Variants in WWOX observed in about 807,000 individuals in gnomAD.
WWOX encodes the protein WW domain-containing oxidoreductase.
Under a neutral mutation model 46.2 loss-of-function variants are expected in WWOX, and 69 were observed. The observed-to-expected ratio is 1.49, with a 90% CI of 1.23 to 1.82. WWOX has a LOEUF of 1.82. WWOX is among the 40% of genes most tolerant of loss of function. WWOX has a pLI of 0.00. For synonymous variants in WWOX, 359 were observed against 202.6 expected, an observed-to-expected ratio of 1.77 and a Z score of -6.56; for missense variants, 919 against 542.6, an observed-to-expected ratio of 1.69 and a Z score of -6.89.
chr16:78,224,638 A>G (rs1224049030), intron 5 of WWOX, among the ~76,000 whole-genome samples: 2 of 152,200 alleles, frequency 1.3e-5, no homozygotes, highest in East Asian at 3.9e-4. Flanking sequence ...ATGTTTTTGT[A>G]GTACACACCA....
intron 4 of WWOX, among the ~76,000 whole-genome samples, chr16:78,133,801 A>G (rs2151699633): frequency 1.3e-5 from 2 of 152,350 alleles, no homozygotes; most frequent in African/African-American, 4.8e-5. Flanking sequence ...GCGTAGAAGT[A>G]GAATCCTGGG....
intron 8 of WWOX, among the ~76,000 whole-genome samples, chr16:78,563,792 C>G (rs1312479636): frequency 1.3e-5 from 2 of 152,086 alleles, no homozygotes; most frequent in Non-Finnish European, 2.9e-5. Flanking sequence ...AAAATGGCCA[C>G]CAATTCTTCC....
intron 5 of WWOX, among the ~76,000 whole-genome samples, chr16:78,175,004 A>G (rs866081270): frequency 7.1e-6 from 1 of 140,232 alleles, no homozygotes; most frequent in African/African-American, 2.7e-5. Flanking sequence ...AATAGTAATA[A>G]TAATAATAAT....
rs1232826079 is a variant in WWOX, at chr16:78,769,455, C to G, written c.1056+336703C>G. ...GACATCGTGGTAAACAAAGCAAAGT[C>G]CTTGCTTGCATTCTGTGACAGATGG... On this transcript the variant is annotated intron_variant, in intron 8 of 8. Coordinates refer to ENST00000566780, the MANE Select transcript of WWOX (RefSeq NM_016373.4). 3.9e-5 allele frequency among the ~76,000 whole-genome samples: 6 copies of G among 152,180 alleles called. No individual in the cohort carries two copies. In the South Asian group the frequency reaches 1.2e-3, roughly 32 times the overall value.
chr16:78,827,030 A>C (rs570515808), intron 8 of WWOX, among the ~76,000 whole-genome samples: 1 of 152,038 alleles, frequency 6.6e-6, no homozygotes, highest in Non-Finnish European at 1.5e-5. Context: ...TCCTGCCCCC[A>C]CATGTTATAG....
At chr16:78,156,264 G>C (rs530328047) in intron 4 of WWOX, among the ~76,000 whole-genome samples, 71 of 151,782 alleles carry the variant, frequency 4.7e-4, no homozygotes, top group Non-Finnish European at 7.1e-4. Context: ...CTTTGCCGTG[G>C]GTTATTTTGT....
intron 8 of WWOX, among the ~76,000 whole-genome samples, chr16:78,823,425 A>G (rs1439334400): frequency 6.6e-6 from 1 of 152,182 alleles, no homozygotes; most frequent in Non-Finnish European, 1.5e-5. Flanking sequence ...AAGCAGAAAA[A>G]TGTAAGGGAA....
At chr16:79,145,733 A>G (rs957139298) in intron 8 of WWOX, among the ~76,000 whole-genome samples, 2 of 152,244 alleles carry the variant, frequency 1.3e-5, no homozygotes, top group African/African-American at 4.8e-5. Context: ...ATTACTAGCA[A>G]TGAAATAATT....
chr16:78,761,410 C>T (rs749770223), intron 8 of WWOX, among the ~76,000 whole-genome samples: 2 of 152,082 alleles, frequency 1.3e-5, no homozygotes, highest in Non-Finnish European at 2.9e-5. Flanking sequence ...GTTTTGTTTA[C>T]CTGTTTAGTG....
At chr16:78,317,728 A>T (rs7193133) in intron 5 of WWOX, among the ~76,000 whole-genome samples, 1 of 151,914 alleles carries the variant, frequency 6.6e-6, no homozygotes, top group South Asian at 2.1e-4. Flanking sequence ...GTGCCTCCCC[A>T]TGGGCCCCCT....
At chr16:78,625,526 A>G (rs1056193604) in intron 8 of WWOX, among the ~76,000 whole-genome samples, 2 of 152,160 alleles carry the variant, frequency 1.3e-5, no homozygotes, top group South Asian at 2.1e-4. Context: ...TGTAGTACCA[A>G]GTTCCCATGT....
chr16:78,494,537 C>T (rs949233957), intron 8 of WWOX, among the ~76,000 whole-genome samples: 7 of 152,120 alleles, frequency 4.6e-5, no homozygotes, highest in African/African-American at 1.7e-4. Context: ...AACTTCTGTG[C>T]TTTTTGAAAT....
chr16:78,696,579 G>C (rs182075638), intron 8 of WWOX, among the ~76,000 whole-genome samples: 5 of 152,108 alleles, frequency 3.3e-5, no homozygotes, highest in African/African-American at 1.2e-4. Flanking sequence ...GCAAAGAATC[G>C]ATATTCTACC....
intron 8 of WWOX, among the ~76,000 whole-genome samples, chr16:78,624,255 G>C (rs1271514974): frequency 2.7e-5 from 4 of 146,704 alleles, no homozygotes; most frequent in Non-Finnish European, 1.5e-5. Context: ...AAAACTCCCT[G>C]GGTGCCCCAG....
intron 6 of WWOX, among the ~76,000 whole-genome samples, chr16:78,416,991 A>G (rs76138931): frequency 0.035 from 5,365 of 151,782 alleles, 322 homozygotes; most frequent in African/African-American, 0.12. Flanking sequence ...GAGCTTATGT[A>G]AGACAGAAGG....
At chr16:78,912,926 A>G (rs1382622202) in intron 8 of WWOX, among the ~76,000 whole-genome samples, 1 of 152,030 alleles carries the variant, frequency 6.6e-6, no homozygotes, top group Non-Finnish European at 1.5e-5. Flanking sequence ...TCAGAGCAAG[A>G]GAAACCTCGA....
intron 8 of WWOX, among the ~76,000 whole-genome samples, chr16:78,767,145 G>C (rs902960193): frequency 1.5e-5 from 2 of 131,570 alleles, no homozygotes; most frequent in African/African-American, 5.6e-5. Context: ...ATTTTTGACA[G>C]GGTCTCACTC....
chr16:78,742,374 G>A (rs1009087096), intron 8 of WWOX, among the ~76,000 whole-genome samples: 3 of 152,188 alleles, frequency 2.0e-5, no homozygotes, highest in Admixed American at 6.5e-5. Context: ...TCTAGCTCTG[G>A]CTCAGGTTAA....
At chr16:78,451,815 T>C (rs56003306) in intron 8 of WWOX, among the ~76,000 whole-genome samples, 11,094 of 152,218 alleles carry the variant, frequency 0.073, 488 homozygotes, top group East Asian at 0.2. Context: ...TCCCCAAACA[T>C]ATGGAGTTAC....
Sources: gnomAD v4.1 joint callset for allele counts (sites outside exome capture counted in the v4.1 genomes callset) on GRCh38, gnomAD v4.1.1 for gene constraint, MANE v1.5 for transcripts, NCBI Gene and HGNC (gene_info 2026-07-23, HGNC 2026-07-21) for gene names.